The following STXBP5 variants were observed in gnomAD, a reference collection of about 807,000 sequenced individuals.
The protein encoded by STXBP5 is syntaxin-binding protein 5.
In STXBP5, 50 loss-of-function variants were observed where a neutral mutation model predicts 152.4. The observed-to-expected ratio is 0.33, with a 90% CI of 0.26 to 0.42. The LOEUF (loss-of-function observed/expected upper bound fraction) is 0.42, where lower values mean the gene tolerates loss of function less well. Ranked by LOEUF, STXBP5 falls within the 10% of genes least tolerant of loss-of-function variation. The pLI, the probability that STXBP5 is intolerant of heterozygous loss-of-function variation, is 1.00. For missense variants in STXBP5, 1,167 were observed against 1,388.6 expected (o/e 0.84, Z 2.54); for synonymous variants, 492 against 494.7 (o/e 0.99, Z 0.07).
At chr6:147,335,129 C>T (rs1783762769) in intron 19 of STXBP5, among the ~76,000 whole-genome samples, 1 of 152,122 alleles carries the variant, frequency 6.6e-6, no homozygotes, top group South Asian at 2.1e-4. Flanking sequence ...TATGCATTTT[C>T]TGACTTTCTT....
rs75567284 is a variant in STXBP5 at position 147,377,705 on chromosome 6, A to G, written c.3193+3863A>G. 3.8e-3 allele frequency among the ~76,000 whole-genome samples: 573 copies of G among 152,198 alleles called. 3 individuals carry two copies. Among genetic ancestry groups the G allele is most frequent in the African/African-American group, 0.013 (550 of 41,516 alleles). On this transcript the variant is annotated intron_variant, in intron 26 of 27. Coordinates refer to ENST00000321680, the MANE Select transcript of STXBP5 (RefSeq NM_001127715.4). Reference sequence around the variant, plus strand: ...AAGGGCTGTAATCCCACTGATGAGGACAATACCCTTTTTACCTCCCAAAGG... The same window carrying G: ...AAGGGCTGTAATCCCACTGATGAGGGCAATACCCTTTTTACCTCCCAAAGG...
At position 147,278,172 on chromosome 6, in the gene STXBP5, C is replaced by T. The variant is rs760716538; in HGVS notation, c.806C>T (p.Pro269Leu). ...TTGACTATATGGAATGTAAGGTCCC[C>T]TGCTAAACCAGTACAGACAATCACT... ...GTLTIWNVRSPAKPVQTITPH... is the reference protein window; with the variant it reads ...GTLTIWNVRSLAKPVQTITPH... The change falls in exon 8 of 28, where the codon CCT becomes CTT. Residue 269 changes from proline to leucine, a missense_variant. By Grantham distance (98) the Pro-to-Leu change is moderately conservative. Around this residue, in one of 3 missense-constraint regions of STXBP5, gnomAD observed 310 missense variants for 346.1 expected, o/e 0.90. Coordinates refer to ENST00000321680, the MANE Select transcript of STXBP5 (RefSeq NM_001127715.4). The T allele has an allele frequency of 6.2e-7, 1 of 1,612,346 alleles. No individual in the cohort carries two copies. The highest frequency in any genetic ancestry group is 1.1e-5 in the South Asian group (1 of 90,906).
chr6:147,326,889 T>G (rs1783287320), intron 17 of STXBP5, among the ~76,000 whole-genome samples: 1 of 152,202 alleles, frequency 6.6e-6, no homozygotes, highest in South Asian at 2.1e-4. Flanking sequence ...ATGCCAAATA[T>G]TTTTATAAAT....
intron 22 of STXBP5, 147 bp downstream of exon 22, chr6:147,353,520 G>C: frequency 2.1e-6 from 1 of 474,902 alleles, no homozygotes; most frequent in Non-Finnish European, 3.8e-6. Context: ...CTTTGGAATA[G>C]TCTTTAGAAT....
intron 9 of STXBP5, among the ~76,000 whole-genome samples, chr6:147,306,949 C>T (rs961878895): frequency 3.3e-5 from 5 of 152,154 alleles, no homozygotes; most frequent in Non-Finnish European, 7.4e-5. Flanking sequence ...GACATAGGAG[C>T]ACTGCTTTAT....
chr6:147,325,085 G>GT lies in STXBP5; in HGVS notation c.1928+2dup. ...TGGCAGTCAATTCTTCCTATGGACT[G>GT]TAAGTATAAGTTACGTTTTTTTCTA... On this transcript the variant is annotated splice_donor_variant, in intron 17 of 27. Transcript: ENST00000321680. LOFTEE classifies it high-confidence loss of function. 6.6e-7 allele frequency: 1 copy of GT among 1,512,052 alleles called. No individual in the cohort carries two copies. Among genetic ancestry groups the GT allele is most frequent in the Non-Finnish European group, 8.9e-7 (1 of 1,125,620 alleles). 93.7% of individuals were successfully genotyped at this position (1,512,052 alleles called of 1,614,324 possible).
intron 26 of STXBP5, among the ~76,000 whole-genome samples, chr6:147,376,587 C>CG (rs1785820735): frequency 1.3e-5 from 2 of 152,076 alleles, no homozygotes; most frequent in Middle Eastern, 3.2e-3. Context: ...AAAGCTTAGC[C>CG]GGGAGGGTTG....
At chr6:147,291,250 T>C in intron 9 of STXBP5, 78 bp downstream of exon 9, 1 of 1,189,760 alleles carries the variant, frequency 8.4e-7, no homozygotes, top group Non-Finnish European at 1.2e-6. Flanking sequence ...ATCATTAATT[T>C]TGAAGGCCTA....
chr6:147,227,172 T>C (rs1347689756), intron 2 of STXBP5, among the ~76,000 whole-genome samples: 2 of 152,156 alleles, frequency 1.3e-5, no homozygotes, highest in African/African-American at 4.8e-5. Context: ...ATTAATGGTA[T>C]AAGTCAGTTA....
chr6:147,283,399 T>A lies in STXBP5; in HGVS notation c.838+5195T>A, dbSNP rs566608512. ...GTTCCTTATGATTCATCACAAACCT[T>A]TCCCCAGTTTATGTATTTGAAAAGA... is the stretch of plus-strand genomic sequence containing the variant. On this transcript the variant is annotated intron_variant, in intron 8 of 27. Transcript: ENST00000321680. Among the ~76,000 whole-genome samples the A allele has an allele frequency of 8.0e-4, 122 of 152,268 alleles. 2 individuals carry two copies. The highest frequency in any genetic ancestry group is 5.0e-3 in the South Asian group (24 of 4,830).
intron 23 of STXBP5, among the ~76,000 whole-genome samples, chr6:147,360,383 A>T (rs1562268192): frequency 6.6e-6 from 1 of 152,186 alleles, no homozygotes; most frequent in African/African-American, 2.4e-5. Flanking sequence ...AATAGCAAAG[A>T]CTTGGAACCA....
At chr6:147,348,800 T>A (rs912451388) in intron 21 of STXBP5, among the ~76,000 whole-genome samples, 2 of 152,188 alleles carry the variant, frequency 1.3e-5, no homozygotes, top group African/African-American at 4.8e-5. Flanking sequence ...TAAGTGTTCA[T>A]ATAAATATGC....
intron 4 of STXBP5, among the ~76,000 whole-genome samples, chr6:147,258,337 ATTACT>A (rs1779475839): frequency 6.6e-6 from 1 of 152,178 alleles, no homozygotes; most frequent in Non-Finnish European, 1.5e-5. Flanking sequence ...TTTCTTGTGG[ATTACT>A]TTCTTAAAAT....
chr6:147,243,130 T>C (rs1379621385), intron 4 of STXBP5, among the ~76,000 whole-genome samples: 2 of 152,226 alleles, frequency 1.3e-5, no homozygotes, highest in Non-Finnish European at 2.9e-5. Flanking sequence ...CTGGATCATA[T>C]GCTAGACTAT....
intron 9 of STXBP5, among the ~76,000 whole-genome samples, chr6:147,304,491 G>A (rs565770453): frequency 6.6e-6 from 1 of 152,310 alleles, no homozygotes; most frequent in South Asian, 2.1e-4. Context: ...TACTAGGGCA[G>A]TGTGGATGGG....
chr6:147,279,826 T>G (rs1034498045), intron 8 of STXBP5, among the ~76,000 whole-genome samples: 2 of 152,140 alleles, frequency 1.3e-5, no homozygotes, highest in African/African-American at 4.8e-5. Flanking sequence ...ACCTACGAAT[T>G]CAGATAAACA....
chr6:147,277,126 A>C (rs893559406), intron 7 of STXBP5, among the ~76,000 whole-genome samples: 1 of 152,124 alleles, frequency 6.6e-6, no homozygotes, highest in Admixed American at 6.5e-5. Context: ...ATTTAGAAGT[A>C]TAGCTGATTA....
intron 7 of STXBP5, among the ~76,000 whole-genome samples, chr6:147,271,638 A>G (rs1319010189): frequency 6.6e-6 from 1 of 152,162 alleles, no homozygotes; most frequent in Non-Finnish European, 1.5e-5. Context: ...ATGCAGCTAA[A>G]GTATCCATTA....
At chr6:147,221,013 C>T (rs752703894) in intron 2 of STXBP5, among the ~76,000 whole-genome samples, 1 of 151,946 alleles carries the variant, frequency 6.6e-6, no homozygotes, top group Non-Finnish European at 1.5e-5. Context: ...CACATTTTCT[C>T]TCCTTTCTTA....
Sources: gnomAD v4.1 joint callset for allele counts (sites outside exome capture counted in the v4.1 genomes callset) on GRCh38, gnomAD v4.1.1 for gene constraint, gnomAD v4.1.1 regional missense constraint, MANE v1.5 for transcripts, NCBI Gene and HGNC (gene_info 2026-07-23, HGNC 2026-07-21) for gene names.